ARFGEF3: variants seen among roughly 807,000 people sequenced by gnomAD.
The protein encoded by ARFGEF3 is brefeldin A-inhibited guanine nucleotide-exchange protein 3.
ARFGEF3 carries 96 observed loss-of-function variants against 221.7 expected under a neutral mutation model. That is an observed-to-expected ratio of 0.43 (90% confidence interval 0.37 to 0.51). ARFGEF3 has a LOEUF of 0.51. Among genes scored for constraint, ARFGEF3 ranks in the 20% least tolerant of loss-of-function variants. The pLI is 0.00. For synonymous variants in ARFGEF3, 1,145 were observed against 1,126.8 expected, an observed-to-expected ratio of 1.02 and a Z score of -0.32; for missense variants, 2,410 against 2,789.9, an observed-to-expected ratio of 0.86 and a Z score of 3.07.
intron 4 of ARFGEF3, chr6:138,217,372 A>C (rs955879312): frequency 3.0e-4 from 46 of 152,342 alleles, no homozygotes; most frequent in African/African-American, 1.1e-3. Flanking sequence ...TCTATGTGTC[A>C]GGCACTGTGC....
chr6:138,333,835 G>T, intron 32 of ARFGEF3, 135 bp from the exon 33 acceptor site: 1 of 973,302 alleles, frequency 1.0e-6, no homozygotes, highest in Non-Finnish European at 1.5e-6. Flanking sequence ...TTCTTTCATG[G>T]AAGACATTTG....
chr6:138,162,026 CG>C lies in ARFGEF3; in HGVS notation c.-59del. ...CAGGGCCAGGCAGCGGCGGCTTCCCCGGCCCGGCTCGCCCGCGCTTCTCTCC... is the reference window on the plus strand; with the variant it reads ...CAGGGCCAGGCAGCGGCGGCTTCCCCGCCCGGCTCGCCCGCGCTTCTCTCC... On this transcript the variant is annotated 5_prime_UTR_variant, in exon 1 of 34. Transcript: ENST00000251691. The surrounding 1 kb of genome is among the most constrained non-coding windows in gnomAD (Gnocchi z 4.7). The C allele has an allele frequency of 7.6e-7, 1 of 1,313,534 alleles. No individual in the cohort carries two copies. The highest frequency in any genetic ancestry group is 1.4e-5 in the South Asian group (1 of 73,356). The allele number at this position is 1,313,534 out of a possible 1,614,324, so 81.4% of individuals were successfully genotyped here.
At chr6:138,225,599 TTA>T (rs1439009214) in intron 4 of ARFGEF3, among the ~76,000 whole-genome samples, 1 of 152,172 alleles carries the variant, frequency 6.6e-6, no homozygotes, top group Non-Finnish European at 1.5e-5. Context: ...TGTGCTTCCT[TTA>T]TGTTTGTAAT....
intron 25 of ARFGEF3, 25 bp from the exon 26 acceptor site, chr6:138,313,770 A>C (rs371297894): frequency 1.1e-4 from 172 of 1,598,190 alleles, no homozygotes; most frequent in Non-Finnish European, 1.2e-4. Context: ...ATATAATTGC[A>C]GTTTGTCTTT....
chr6:138,165,888 T>C (rs954586725), intron 1 of ARFGEF3, among the ~76,000 whole-genome samples: 6 of 152,370 alleles, frequency 3.9e-5, no homozygotes, highest in African/African-American at 1.2e-4. Context: ...TCCTGCCTGA[T>C]CCTTGGTTTC....
Position 138,186,902 on chromosome 6 carries a change from C to CT in ARFGEF3, c.137+16219dup, listed in dbSNP as rs71693484. On this transcript the variant is annotated intron_variant, in intron 2 of 33. Coordinates refer to ENST00000251691, the MANE Select transcript of ARFGEF3 (RefSeq NM_020340.5). ...ACGAGTTATTCCTCTCATCCTTTTT[C>CT]TTTTTTTTTTTTTTTTTTTTTTTTT... Among the ~76,000 whole-genome samples the CT allele has an allele frequency of 1.2e-3, 91 of 76,024 alleles. 1 individual carries two copies. Among genetic ancestry groups the CT allele is most frequent in the African/African-American group, 1.9e-3 (36 of 18,610 alleles). 49.9% of individuals were successfully genotyped at this position (76,024 alleles called of 152,430 possible). A position where few individuals can be genotyped will look rare whatever the true frequency, so the allele number is the denominator to read the frequency against.
chr6:138,333,534 C>T lies in ARFGEF3; in HGVS notation c.5124-436C>T, dbSNP rs1269451391. On this transcript the variant is annotated intron_variant, in intron 32 of 33. Coordinates refer to ENST00000251691, the MANE Select transcript of ARFGEF3 (RefSeq NM_020340.5). The stretch of plus-strand genomic sequence containing the variant: ...TCAGCTCACTGCAAGCTCCACCTCC[C>T]GGGTTCATGCCATTCTCCTGCTTCA... Among the ~76,000 whole-genome samples the T allele has an allele frequency of 3.9e-5, 6 of 152,144 alleles. No homozygotes were observed. The East Asian group carries it at 5.8e-4, about 15-fold the overall frequency.
intron 10 of ARFGEF3, among the ~76,000 whole-genome samples, chr6:138,257,980 T>C (rs552582888): frequency 6.6e-6 from 1 of 152,334 alleles, no homozygotes; most frequent in South Asian, 2.1e-4. Context: ...AAATAGCTGG[T>C]TCAATTCTAG....
At chr6:138,294,438 C>T (rs899249014) in intron 20 of ARFGEF3, among the ~76,000 whole-genome samples, 2 of 152,228 alleles carry the variant, frequency 1.3e-5, no homozygotes, top group African/African-American at 4.8e-5. Flanking sequence ...AGATAGCTTC[C>T]TTCACATGAG....
chr6:138,260,461 C>T (rs575380497), intron 10 of ARFGEF3, among the ~76,000 whole-genome samples: 11 of 152,062 alleles, frequency 7.2e-5, no homozygotes, highest in East Asian at 1.9e-4. Flanking sequence ...AGACTTCTAC[C>T]GTATGTATAT....
Position 138,339,427 on chromosome 6 carries a change from C to G in ARFGEF3, c.*2941C>G, listed in dbSNP as rs185059751. 14 of 152,274 alleles carry G rather than the reference C, an allele frequency of 9.2e-5. No homozygotes were observed. The East Asian group carries it at 9.6e-4, about 10-fold the overall frequency. 9.4% of individuals were successfully genotyped at this position (152,274 alleles called of 1,614,324 possible). On this transcript the variant is annotated 3_prime_UTR_variant, in exon 34 of 34. Transcript: ENST00000251691. Reference sequence around the variant, plus strand: ...ACAGTAAGACAAAATTCAAGGCAGCCTTTTAAAGTTACGAACAGTTATTAG... The same window carrying G: ...ACAGTAAGACAAAATTCAAGGCAGCGTTTTAAAGTTACGAACAGTTATTAG...
chr6:138,325,694 T>G (rs1292343949), intron 31 of ARFGEF3, among the ~76,000 whole-genome samples: 1 of 152,234 alleles, frequency 6.6e-6, no homozygotes, highest in Non-Finnish European at 1.5e-5. Flanking sequence ...TTTGCACGTG[T>G]GCACACAGTG....
In ARFGEF3 at chr6:138,308,385, A is replaced by G. The variant is rs1017564529; in HGVS notation, c.3974-354A>G. On this transcript the variant is annotated intron_variant, in intron 23 of 33. Transcript: ENST00000251691. ...TGCATAGATATAAAGAAACTCATAT[A>G]TGCCACCAAAGGTCTATCTAAACCT... Among the ~76,000 whole-genome samples, 3 of 152,208 alleles carry G rather than the reference A, an allele frequency of 2.0e-5. No individual in the cohort carries two copies. The East Asian group carries it at 5.8e-4, about 29-fold the overall frequency.
In ARFGEF3 at chr6:138,292,168, C is replaced by T. The variant is rs1004296248; in HGVS notation, c.3368+115C>T. ...ATTTGTTAGCCAATCACTTAAATCT[C>T]TTCCATCTTTTTCAAGCTTAGTTCT... is the stretch of plus-strand genomic sequence containing the variant. On this transcript the variant is annotated intron_variant, in intron 19 of 33. Coordinates refer to ENST00000251691, the MANE Select transcript of ARFGEF3 (RefSeq NM_020340.5). 17 of 886,424 alleles carry T rather than the reference C, an allele frequency of 1.9e-5. No individual in the cohort carries two copies. In the African/African-American group the frequency reaches 2.5e-4, roughly 13 times the overall value. 54.9% of individuals were successfully genotyped at this position (886,424 alleles called of 1,614,324 possible). A position where few individuals can be genotyped will look rare whatever the true frequency, so the allele number is the denominator to read the frequency against.
chr6:138,333,081 T>C (rs1487299210), intron 32 of ARFGEF3, among the ~76,000 whole-genome samples: 1 of 152,258 alleles, frequency 6.6e-6, no homozygotes, highest in Non-Finnish European at 1.5e-5. Context: ...GGGGCATTAA[T>C]TGGCCATATA....
intron 12 of ARFGEF3, among the ~76,000 whole-genome samples, chr6:138,270,829 G>A (rs1205051281): frequency 6.6e-6 from 1 of 152,190 alleles, no homozygotes; most frequent in African/African-American, 2.4e-5. Context: ...AGGCGGAATA[G>A]AGGGAATGAT....
rs1465425256 is a variant in ARFGEF3 at position 138,263,598 on chromosome 6, T to C, written c.2115T>C (p.Ser705=). 11 of 1,599,480 alleles carry C rather than the reference T, an allele frequency of 6.9e-6. No homozygotes were observed. In the Admixed American group the frequency reaches 8.4e-5, roughly 12 times the overall value. The change falls in exon 12 of 34, where the codon TCT becomes TCC. Residue 705 remains serine, a synonymous_variant. Coordinates refer to ENST00000251691, the MANE Select transcript of ARFGEF3 (RefSeq NM_020340.5). ...ACACCGCTCTGCAGAACTTTGCCTCTACTTTCTGCTCAGGTTTGTAAACAA... is the reference window on the plus strand; with the variant it reads ...ACACCGCTCTGCAGAACTTTGCCTCCACTTTCTGCTCAGGTTTGTAAACAA... ...EVDTALQNFA[S]TFCSGMMHSP...
intron 2 of ARFGEF3, among the ~76,000 whole-genome samples, chr6:138,172,615 A>G (rs1477895447): frequency 1.3e-5 from 2 of 152,218 alleles, no homozygotes; most frequent in Non-Finnish European, 2.9e-5. Context: ...AAGATGATAG[A>G]TGAAAATATG....
chr6:138,254,168 G>A (rs868267127), intron 9 of ARFGEF3, among the ~76,000 whole-genome samples, 184 bp downstream of exon 9: 12 of 152,238 alleles, frequency 7.9e-5, no homozygotes, highest in African/African-American at 1.7e-4. Flanking sequence ...TGTAATCTCC[G>A]CACTTTGGGA....
Sources: allele counts gnomAD v4.1 joint callset (sites outside exome capture counted in the v4.1 genomes callset), GRCh38; gene constraint gnomAD v4.1.1; non-coding constraint Gnocchi (gnomAD v3.1); transcripts MANE v1.5; gene names NCBI Gene and HGNC (gene_info 2026-07-23, HGNC 2026-07-21).